Variants in PCCA observed in about 807,000 individuals in gnomAD.
The protein encoded by PCCA is propionyl-CoA carboxylase subunit alpha.
PCCA carries 74 observed loss-of-function variants against 101.3 expected under a neutral mutation model. The observed-to-expected ratio is 0.73, with a 90% CI of 0.61 to 0.89. The LOEUF is 0.89. Among genes scored for constraint, PCCA ranks in the 40% least tolerant of loss-of-function variants. The pLI, the probability that PCCA is intolerant of heterozygous loss-of-function variation, is 0.00. For missense variants in PCCA, 891 were observed against 907.0 expected, an observed-to-expected ratio of 0.98 and a Z score of 0.23; for synonymous variants, 294 against 313.6, an observed-to-expected ratio of 0.94 and a Z score of 0.66.
chr13:100,447,967 A>G (rs544743731), intron 20 of PCCA, among the ~76,000 whole-genome samples: 3 of 152,328 alleles, frequency 2.0e-5, no homozygotes, highest in Admixed American at 2.0e-4. Context: ...TTCTGTAAAA[A>G]GGAATGAAAT....
At chr13:100,324,432 G>T (rs766739114) in intron 16 of PCCA, among the ~76,000 whole-genome samples, 2 of 151,948 alleles carry the variant, frequency 1.3e-5, no homozygotes, top group Non-Finnish European at 2.9e-5. Context: ...ATTATTTGAA[G>T]ATTTGTGACA....
At chr13:100,472,732 C>G (rs1427535825) in intron 21 of PCCA, among the ~76,000 whole-genome samples, 1 of 152,096 alleles carries the variant, frequency 6.6e-6, no homozygotes, top group Non-Finnish European at 1.5e-5. Flanking sequence ...AGGGAAAATA[C>G]TGGCTTGGTG....
chr13:100,477,641 T>TA (rs1450385294), intron 21 of PCCA, among the ~76,000 whole-genome samples: 1 of 152,170 alleles, frequency 6.6e-6, no homozygotes, highest in African/African-American at 2.4e-5. Flanking sequence ...GGATTGTTCC[T>TA]AAAAAGAACT....
At chr13:100,214,409 G>GT (rs200835983) in intron 7 of PCCA, among the ~76,000 whole-genome samples, 15 of 149,624 alleles carry the variant, frequency 1.0e-4, no homozygotes, top group South Asian at 4.2e-4. Flanking sequence ...TTTTATAGTT[G>GT]TTTTTTTGTG....
At chr13:100,518,245 GA>G (rs1178656000) in intron 22 of PCCA, among the ~76,000 whole-genome samples, 2 of 152,248 alleles carry the variant, frequency 1.3e-5, no homozygotes, top group East Asian at 3.9e-4. Flanking sequence ...ACCAATCGTA[GA>G]ATGGTGGGCC....
chr13:100,214,288 C>T lies in PCCA; in HGVS notation c.600+4825C>T, dbSNP rs966640809. 8.6e-5 allele frequency among the ~76,000 whole-genome samples: 13 copies of T among 152,000 alleles called. 1 individual carries two copies. Among genetic ancestry groups the T allele is most frequent in the South Asian group, 4.2e-4 (2 of 4,810 alleles). The stretch of plus-strand genomic sequence containing the variant: ...TATTTTGATAAGGATTATATTGAAT[C>T]GGTAGATTGCTTTAGGTAGTATGGA... On this transcript the variant is annotated intron_variant, in intron 7 of 23. Coordinates refer to ENST00000376285, the MANE Select transcript of PCCA (RefSeq NM_000282.4).
At chr13:100,267,945 T>G (rs550061534) in intron 10 of PCCA, among the ~76,000 whole-genome samples, 1 of 152,354 alleles carries the variant, frequency 6.6e-6, no homozygotes, top group South Asian at 2.1e-4. Flanking sequence ...AATGTATCTC[T>G]TAACTGAAAT....
chr13:100,095,710 G>T (rs1383518619), intron 1 of PCCA, among the ~76,000 whole-genome samples: 1 of 152,194 alleles, frequency 6.6e-6, no homozygotes, highest in Non-Finnish European at 1.5e-5. Flanking sequence ...GATGAATGTG[G>T]CTGCTGTGGT....
At chr13:100,104,954 C>T (rs2047618897) in intron 2 of PCCA, among the ~76,000 whole-genome samples, 1 of 152,090 alleles carries the variant, frequency 6.6e-6, no homozygotes, top group African/African-American at 2.4e-5. Flanking sequence ...CTTCCTGCCT[C>T]AGCCTCCCAA....
rs574849616 is a variant in PCCA, at chr13:100,242,352, A to G, written c.637+6474A>G. Among the ~76,000 whole-genome samples the G allele has an allele frequency of 3.1e-4, 47 of 152,336 alleles. No individual in the cohort carries two copies. In the South Asian group the frequency reaches 9.5e-3, roughly 31 times the overall value. On this transcript the variant is annotated intron_variant, in intron 8 of 23. Transcript: ENST00000376285. ...ATTTTATATTGATTAACAATTACAA[A>G]TGTATATGCACCAGGAAACATGGCC... is the stretch of plus-strand genomic sequence containing the variant.
chr13:100,096,226 A>G (rs1383864431), intron 1 of PCCA, among the ~76,000 whole-genome samples: 1 of 152,070 alleles, frequency 6.6e-6, no homozygotes, highest in Non-Finnish European at 1.5e-5. Context: ...TTCCAATAGC[A>G]CATACTTACT....
chr13:100,468,309 A>C (rs2082697779), intron 21 of PCCA, among the ~76,000 whole-genome samples: 1 of 152,188 alleles, frequency 6.6e-6, no homozygotes, highest in African/African-American at 2.4e-5. Flanking sequence ...ACTGGCTTCA[A>C]CTAAAAGTCA....
At chr13:100,320,706 G>A (rs2067935892) in intron 16 of PCCA, among the ~76,000 whole-genome samples, 1 of 152,134 alleles carries the variant, frequency 6.6e-6, no homozygotes, top group African/African-American at 2.4e-5. Context: ...GCTTTTTGAT[G>A]TGCTGCTGGA....
At chr13:100,255,764 A>C (rs2062033183) in intron 8 of PCCA, among the ~76,000 whole-genome samples, 1 of 152,198 alleles carries the variant, frequency 6.6e-6, no homozygotes, top group South Asian at 2.1e-4. Flanking sequence ...TGCCATTCTC[A>C]TGCAGGATTA....
rs2075359368 is a variant in PCCA, at chr13:100,368,468, T to G, written c.1644-4T>G. On this transcript the variant is annotated splice_region_variant and splice_polypyrimidine_tract_variant and intron_variant, in intron 18 of 23. Coordinates refer to ENST00000376285, the MANE Select transcript of PCCA (RefSeq NM_000282.4). ...TAACTCTTTTTCTTTTCATTCTACT[T>G]CAGAATGCCTGTTATTAAACCAGAC... The G allele has an allele frequency of 6.7e-7, 1 of 1,482,730 alleles. No individual in the cohort carries two copies. Among genetic ancestry groups the G allele is most frequent in the East Asian group, 2.3e-5 (1 of 44,090 alleles). 91.8% of individuals were successfully genotyped at this position (1,482,730 alleles called of 1,614,324 possible).
chr13:100,493,463 T>C (rs1030204802), intron 21 of PCCA, among the ~76,000 whole-genome samples: 8 of 133,336 alleles, frequency 6.0e-5, no homozygotes, highest in African/African-American at 2.0e-4. Context: ...GCTTTCAGAG[T>C]ACGTCCGAGC....
At chr13:100,330,805 C>CT (rs1215234111) in intron 17 of PCCA, 134 bp downstream of exon 17, 6 of 649,086 alleles carry the variant, frequency 9.2e-6, no homozygotes, top group South Asian at 8.8e-5. Flanking sequence ...ACATGCAAGA[C>CT]TGTTTACATT....
chr13:100,474,664 T>A (rs56782588), intron 21 of PCCA, among the ~76,000 whole-genome samples: 17 of 152,066 alleles, frequency 1.1e-4, no homozygotes, highest in Non-Finnish European at 1.9e-4. Flanking sequence ...TTTTTAGGTA[T>A]TTTTTGTAGA....
intron 20 of PCCA, among the ~76,000 whole-genome samples, chr13:100,442,729 C>T (rs2152918829): frequency 6.6e-6 from 1 of 152,240 alleles, no homozygotes; most frequent in African/African-American, 2.4e-5. Flanking sequence ...TGGATGAAGA[C>T]TATGAAATTG....
Sources: allele counts gnomAD v4.1 joint callset (sites outside exome capture counted in the v4.1 genomes callset), GRCh38; gene constraint gnomAD v4.1.1; transcripts MANE v1.5; gene names NCBI Gene and HGNC (gene_info 2026-07-23, HGNC 2026-07-21).